Variants in AFAP1 observed in about 807,000 individuals in gnomAD.
AFAP1 encodes actin filament associated protein 1, also known as actin filament-associated protein 1.
In AFAP1, 75 loss-of-function variants were observed where a neutral mutation model predicts 93.9. That is an observed-to-expected ratio of 0.80 (90% CI 0.66 to 0.97). The LOEUF (loss-of-function observed/expected upper bound fraction) is 0.97. Among genes scored for constraint, AFAP1 ranks in the 50% least tolerant of loss-of-function variants. The pLI is 0.00. For missense variants in AFAP1, 1,201 were observed against 1,050.8 expected, an observed-to-expected ratio of 1.14 and a Z score of -1.98; for synonymous variants, 517 against 430.7, an observed-to-expected ratio of 1.20 and a Z score of -2.48.
At position 7,808,304 on chromosome 4, in the gene AFAP1, C is replaced by T. The variant is rs533342606; in HGVS notation, c.1054+1310G>A. On this transcript the variant is annotated intron_variant, in intron 9 of 17. Transcript: ENST00000420658. ...CTCTCACCCATGTCTTCATGGAGAC[C>T]ACCCCACAATGCTGGATCCCCCCGG... Among the ~76,000 whole-genome samples the T allele has an allele frequency of 2.0e-5, 3 of 152,302 alleles. No individual in the cohort carries two copies. In the South Asian group the frequency reaches 6.2e-4, roughly 32 times the overall value.
intron 1 of AFAP1, among the ~76,000 whole-genome samples, chr4:7,893,450 G>A (rs557933893): frequency 1.3e-3 from 200 of 152,004 alleles, no homozygotes; most frequent in African/African-American, 4.4e-3. Context: ...GCGTGGTGGC[G>A]GGCGCCTGTA....
intron 6 of AFAP1, among the ~76,000 whole-genome samples, chr4:7,826,679 C>T (rs1721449246): frequency 6.6e-6 from 1 of 152,212 alleles, no homozygotes; most frequent in Admixed American, 6.5e-5. Flanking sequence ...CCTGATCCAA[C>T]ACGTCAATGG....
At chr4:7,899,388 A>G (rs1175171485) in intron 1 of AFAP1, among the ~76,000 whole-genome samples, 1 of 152,222 alleles carries the variant, frequency 6.6e-6, no homozygotes. Context: ...ATGACGAGTT[A>G]AGAACCGTTT....
intron 6 of AFAP1, among the ~76,000 whole-genome samples, chr4:7,822,427 A>G (rs1350705594): frequency 1.7e-4 from 26 of 152,202 alleles, no homozygotes; most frequent in Admixed American, 1.7e-3. Context: ...ATAGTGTTAA[A>G]TAAATGAAAA....
intron 1 of AFAP1, among the ~76,000 whole-genome samples, chr4:7,915,364 G>C (rs769451065): frequency 7.0e-6 from 1 of 142,500 alleles, no homozygotes; most frequent in African/African-American, 2.7e-5. Context: ...TTCAAGAAAC[G>C]TCTGTTCGGT....
chr4:7,932,148 C>G (rs1204376504), intron 1 of AFAP1, among the ~76,000 whole-genome samples: 1 of 152,090 alleles, frequency 6.6e-6, no homozygotes, highest in Non-Finnish European at 1.5e-5. Flanking sequence ...TGAGCCACCA[C>G]GCCTGGCCCT....
chr4:7,828,397 G>A (rs1406158595), intron 6 of AFAP1, among the ~76,000 whole-genome samples: 5 of 152,202 alleles, frequency 3.3e-5, no homozygotes, highest in African/African-American at 1.2e-4. Context: ...ATTCGAGACA[G>A]CAGCTTATTC....
chr4:7,929,034 G>A (rs754129084), intron 1 of AFAP1, among the ~76,000 whole-genome samples: 13 of 152,322 alleles, frequency 8.5e-5, no homozygotes, highest in South Asian at 2.1e-4. Context: ...GCCTTCCACC[G>A]TGGTACCAAG....
intron 16 of AFAP1, among the ~76,000 whole-genome samples, chr4:7,770,448 C>G (rs4234829): frequency 6.6e-5 from 10 of 152,180 alleles, no homozygotes; most frequent in Middle Eastern, 6.8e-3. Context: ...GAAAGTGAAG[C>G]TGTAGGAGGG....
At chr4:7,825,926 C>G (rs1721378019) in intron 6 of AFAP1, among the ~76,000 whole-genome samples, 1 of 150,832 alleles carries the variant, frequency 6.6e-6, no homozygotes, top group African/African-American at 2.4e-5. Context: ...TCACTCCCAC[C>G]CTGACAAATA....
chr4:7,938,705 G>GAGC lies in AFAP1; in HGVS notation c.-3+948_-3+950dup, dbSNP rs1461409016. On this transcript the variant is annotated intron_variant, in intron 1 of 17. Transcript: ENST00000420658. The stretch of plus-strand genomic sequence containing the variant: ...GTTTCTTCCACTCTCCAGGCGCTGA[G>GAGC]AGCTACAAAGTTCAATCTGGCTTTC... Among the ~76,000 whole-genome samples the GAGC allele has an allele frequency of 6.6e-5, 10 of 152,124 alleles. No individual in the cohort carries two copies. The East Asian group carries it at 1.9e-3, about 29-fold the overall frequency.
At chr4:7,771,867 G>A (rs1477765558) in intron 16 of AFAP1, among the ~76,000 whole-genome samples, 1 of 152,162 alleles carries the variant, frequency 6.6e-6, no homozygotes, top group Non-Finnish European at 1.5e-5. Flanking sequence ...CAGGGATGGG[G>A]GGATGGGAGA....
In AFAP1 at chr4:7,819,200, A is replaced by G. The variant is rs753246490; in HGVS notation, c.727-29T>C. 1.5e-5 allele frequency: 23 copies of G among 1,580,124 alleles called. No homozygotes were observed. In the South Asian group the frequency reaches 2.2e-4, roughly 15 times the overall value. ...TAAAAAGCACAGACACTTTGTGAGT[A>G]TGCCCAAAGGCAGAGATACTTAAAG... On this transcript the variant is annotated intron_variant, in intron 6 of 17. Transcript: ENST00000420658.
At chr4:7,867,087 A>AGGGGAGGC (rs1716492801) in intron 3 of AFAP1, among the ~76,000 whole-genome samples, 1 of 47,272 alleles carries the variant, frequency 2.1e-5, no homozygotes, top group Admixed American at 2.8e-4. Flanking sequence ...GGAGGGGAGG[A>AGGGGAGGC]GAGGGGAGGA....
chr4:7,839,328 T>A (rs1230674982), intron 5 of AFAP1, among the ~76,000 whole-genome samples: 2 of 151,476 alleles, frequency 1.3e-5, no homozygotes, highest in East Asian at 3.9e-4. Flanking sequence ...AGAGACTCTG[T>A]CTCCAACTAA....
chr4:7,767,243 C>A (rs2148945477), intron 17 of AFAP1, among the ~76,000 whole-genome samples: 1 of 152,306 alleles, frequency 6.6e-6, no homozygotes, highest in East Asian at 1.9e-4. Flanking sequence ...TCTGAGGTGG[C>A]CCAGGATCAC....
At chr4:7,877,734 G>A (rs2149192623) in intron 1 of AFAP1, among the ~76,000 whole-genome samples, 1 of 152,254 alleles carries the variant, frequency 6.6e-6, no homozygotes, top group South Asian at 2.1e-4. Context: ...GATAACCCTA[G>A]TCTGATGAGA....
chr4:7,792,089 T>C (rs1717913602), intron 11 of AFAP1, among the ~76,000 whole-genome samples: 1 of 152,134 alleles, frequency 6.6e-6, no homozygotes, highest in African/African-American at 2.4e-5. Flanking sequence ...GTGAAGAAAA[T>C]CCAGCCTCAA....
At chr4:7,898,592 T>G (rs1276930228) in intron 1 of AFAP1, among the ~76,000 whole-genome samples, 2 of 151,228 alleles carry the variant, frequency 1.3e-5, no homozygotes, top group African/African-American at 4.9e-5. Flanking sequence ...TTCTCTGTAC[T>G]ATTTTTGCAA....
Sources: gnomAD v4.1 joint callset for allele counts (sites outside exome capture counted in the v4.1 genomes callset) on GRCh38, gnomAD v4.1.1 for gene constraint, MANE v1.5 for transcripts, NCBI Gene and HGNC (gene_info 2026-07-23, HGNC 2026-07-21) for gene names.